SPATA17: variants seen among roughly 807,000 people sequenced by gnomAD.
SPATA17 encodes spermatogenesis associated 17.
In SPATA17, 53 loss-of-function variants were observed where a neutral mutation model predicts 62.2. The observed-to-expected ratio is 0.85, with a 90% CI of 0.68 to 1.07. The LOEUF (loss-of-function observed/expected upper bound fraction) is 1.07, where lower values mean the gene tolerates loss of function less well. Ranked by LOEUF, SPATA17 falls within the 50% of genes least tolerant of loss-of-function variation. The probability of loss-of-function intolerance (pLI) is 0.00; values close to 1 mark genes in which losing one functional copy is unlikely to be tolerated. For missense variants in SPATA17, 466 were observed against 425.5 expected (o/e 1.10, Z -0.84); for synonymous variants, 146 against 146.8 (o/e 0.99, Z 0.04).
chr1:217,859,205 A>G (rs1486524632), intron 9 of SPATA17, among the ~76,000 whole-genome samples: 2 of 146,540 alleles, frequency 1.4e-5, no homozygotes, highest in East Asian at 3.9e-4. Flanking sequence ...ATTTTAAAAT[A>G]TTTATATACA....
At chr1:217,764,161 C>G (rs1320821792) in intron 6 of SPATA17, among the ~76,000 whole-genome samples, 1 of 152,108 alleles carries the variant, frequency 6.6e-6, no homozygotes, top group Non-Finnish European at 1.5e-5. Context: ...TTTAACAAAT[C>G]TATAATGACA....
At chr1:217,705,902 G>A (rs1296634415) in intron 5 of SPATA17, among the ~76,000 whole-genome samples, 3 of 152,100 alleles carry the variant, frequency 2.0e-5, no homozygotes, top group Non-Finnish European at 4.4e-5. Context: ...TGATTTTTAT[G>A]TATGGTGTAA....
chr1:217,773,244 G>T (rs1477895929), intron 6 of SPATA17, among the ~76,000 whole-genome samples: 1 of 152,096 alleles, frequency 6.6e-6, no homozygotes, highest in Non-Finnish European at 1.5e-5. Flanking sequence ...TAGCAAAAAG[G>T]AATGTTTATA....
chr1:217,675,166 G>T (rs1046065915), intron 4 of SPATA17, among the ~76,000 whole-genome samples: 2 of 152,154 alleles, frequency 1.3e-5, no homozygotes, highest in African/African-American at 4.8e-5. Flanking sequence ...TTGTAGAGAA[G>T]GAGGATGGAA....
At chr1:217,793,057 T>C (rs1674037961) in intron 8 of SPATA17, among the ~76,000 whole-genome samples, 1 of 152,284 alleles carries the variant, frequency 6.6e-6, no homozygotes, top group African/African-American at 2.4e-5. Context: ...AACACTGTTC[T>C]TCAGTTAAAG....
At chr1:217,688,326 T>C (rs1245903154) in intron 5 of SPATA17, among the ~76,000 whole-genome samples, 2 of 152,236 alleles carry the variant, frequency 1.3e-5, no homozygotes, top group Non-Finnish European at 1.5e-5. Context: ...TGGAGGCTTC[T>C]TTCTACCAAA....
intron 9 of SPATA17, 109 bp downstream of exon 9, chr1:217,801,959 C>A: frequency 1.7e-6 from 2 of 1,162,398 alleles, no homozygotes; most frequent in Non-Finnish European, 1.2e-6. Context: ...TTTATGGTAA[C>A]AACATTTTTT....
At chr1:217,836,128 C>A (rs944394750) in intron 9 of SPATA17, among the ~76,000 whole-genome samples, 1 of 152,090 alleles carries the variant, frequency 6.6e-6, no homozygotes, top group Non-Finnish European at 1.5e-5. Context: ...GCTGGCCTTG[C>A]GTGAATTAAA....
intron 4 of SPATA17, among the ~76,000 whole-genome samples, chr1:217,670,561 C>T (rs1197091638): frequency 2.0e-5 from 3 of 152,182 alleles, no homozygotes; most frequent in African/African-American, 7.2e-5. Context: ...TTTCCAATAG[C>T]ATCATCCAAT....
intron 9 of SPATA17, among the ~76,000 whole-genome samples, chr1:217,844,592 G>T (rs1319394823): frequency 6.6e-6 from 1 of 152,036 alleles, no homozygotes. Context: ...GACCACAAAA[G>T]ATAAAGCAAT....
chr1:217,673,879 T>C (rs1018673547), intron 4 of SPATA17, among the ~76,000 whole-genome samples: 1 of 152,190 alleles, frequency 6.6e-6, no homozygotes, highest in Non-Finnish European at 1.5e-5. Flanking sequence ...CTAAAGTCTA[T>C]TTCTTGTCCC....
At chr1:217,828,292 AT>A (rs975582664) in intron 9 of SPATA17, among the ~76,000 whole-genome samples, 2 of 151,922 alleles carry the variant, frequency 1.3e-5, no homozygotes, top group Non-Finnish European at 2.9e-5. Context: ...TGGTCAACTA[AT>A]TTTTGACAAG....
chr1:217,805,386 G>A (rs34627133), intron 9 of SPATA17, among the ~76,000 whole-genome samples: 45,383 of 152,062 alleles, frequency 0.3, 8,079 homozygotes, highest in Non-Finnish European at 0.39. Flanking sequence ...GCAGGAGGTA[G>A]GGGTGAGAAA....
intron 9 of SPATA17, among the ~76,000 whole-genome samples, chr1:217,820,333 C>T (rs1303804732): frequency 6.6e-6 from 1 of 151,680 alleles, no homozygotes; most frequent in Non-Finnish European, 1.5e-5. Context: ...TTTAGAGAGG[C>T]CAGAATGAAT....
At chr1:217,735,937 A>G (rs973090286) in intron 5 of SPATA17, among the ~76,000 whole-genome samples, 2 of 151,494 alleles carry the variant, frequency 1.3e-5, no homozygotes, top group African/African-American at 4.8e-5. Flanking sequence ...CATAACATAC[A>G]TATTATATAT....
chr1:217,786,940 A>G (rs116279376), intron 8 of SPATA17, among the ~76,000 whole-genome samples: 1,619 of 152,070 alleles, frequency 0.011, 21 homozygotes, highest in African/African-American at 0.037. Flanking sequence ...TTCAACTGCC[A>G]TCTTTGTTTG....
At chr1:217,654,376 C>G (rs1029901421) in intron 3 of SPATA17, among the ~76,000 whole-genome samples, 3 of 152,072 alleles carry the variant, frequency 2.0e-5, no homozygotes, top group African/African-American at 7.2e-5. Context: ...CTGCCTGCCT[C>G]TGCCTCCCGA....
intron 3 of SPATA17, chr1:217,665,412 C>T (rs1256332127): frequency 6.6e-6 from 1 of 152,044 alleles, no homozygotes; most frequent in Admixed American, 6.6e-5. Flanking sequence ...CAATACTTTA[C>T]AAAATTAATC....
chr1:217,636,150 A>AAG (rs1553359400), intron 1 of SPATA17, among the ~76,000 whole-genome samples: 5 of 147,044 alleles, frequency 3.4e-5, no homozygotes, highest in South Asian at 2.2e-4. Context: ...AAAAAAAAAA[A>AAG]GGGTGTTTTC....
Sources: gnomAD v4.1 joint callset for allele counts (sites outside exome capture counted in the v4.1 genomes callset) on GRCh38, gnomAD v4.1.1 for gene constraint, MANE v1.5 for transcripts, NCBI Gene and HGNC (gene_info 2026-07-23, HGNC 2026-07-21) for gene names.